Variants in HGF observed in about 807,000 individuals in gnomAD.
HGF encodes fibroblast-derived tumor cytotoxic factor.
A neutral mutation model predicts 111.6 loss-of-function variants in HGF; 39 were observed. The observed-to-expected ratio is 0.35, with a 90% CI of 0.27 to 0.46. HGF has a LOEUF of 0.46. HGF is among the 20% of genes least tolerant of loss of function. HGF has a pLI of 1.00. For synonymous variants in HGF, 285 were observed against 294.8 expected (o/e 0.97, Z 0.34); for missense variants, 735 against 910.5 (o/e 0.81, Z 2.48).
Position 81,751,893 on chromosome 7 carries a change from T to C in HGF, c.625+227A>G, listed in dbSNP as rs1481625057. Reference sequence around the variant, plus strand: ...TTCCCCAGAGGGATGTCTCAGGCAGTGTTGAAATTCAAACTGATAACTCGC... The same window carrying C: ...TTCCCCAGAGGGATGTCTCAGGCAGCGTTGAAATTCAAACTGATAACTCGC... On this transcript the variant is annotated intron_variant, in intron 5 of 17. Coordinates refer to ENST00000222390, the MANE Select transcript of HGF (RefSeq NM_000601.6). 2.2e-6 allele frequency: 3 copies of C among 1,370,520 alleles called. No individual in the cohort carries two copies. In the African/African-American group the frequency reaches 4.4e-5, roughly 20 times the overall value. The allele number at this position is 1,370,520 out of a possible 1,614,324, so 84.9% of individuals were successfully genotyped here.
chr7:81,721,402 CA>C (rs946981010), intron 9 of HGF, among the ~76,000 whole-genome samples: 7 of 151,986 alleles, frequency 4.6e-5, no homozygotes, highest in Admixed American at 3.9e-4. Context: ...AATTTAAAAA[CA>C]AAATAATTTA....
At chr7:81,749,355 C>T (rs1056485929) in intron 5 of HGF, among the ~76,000 whole-genome samples, 5 of 152,176 alleles carry the variant, frequency 3.3e-5, no homozygotes, top group East Asian at 1.9e-4. Context: ...TTCAAGCAAA[C>T]GCTAAAGCAA....
chr7:81,707,959 G>T (rs1406625676), intron 13 of HGF, among the ~76,000 whole-genome samples: 1 of 152,074 alleles, frequency 6.6e-6, no homozygotes, highest in Non-Finnish European at 1.5e-5. Context: ...AAACAATTTT[G>T]CAAGGCAAAT....
chr7:81,751,815 A>C, intron 5 of HGF: 1 of 1,196,794 alleles, frequency 8.4e-7, no homozygotes, highest in African/African-American at 1.6e-5. Flanking sequence ...ACAGTAGTAG[A>C]TTTTGAGGTA....
At chr7:81,723,819 C>T (rs1453564682) in intron 9 of HGF, among the ~76,000 whole-genome samples, 2 of 150,536 alleles carry the variant, frequency 1.3e-5, no homozygotes, top group East Asian at 1.9e-4. Flanking sequence ...GATATACACA[C>T]ATATAGATAT....
In HGF at chr7:81,743,406, C is replaced by T. The variant is rs1562892294; in HGVS notation, c.812G>A (p.Cys271Tyr). Residue 271 changes from cysteine to tyrosine, a missense_variant, in exon 7 of 18, where the codon TGC (cysteine) becomes TAC (tyrosine). Around this residue, in one of 3 missense-constraint regions of HGF, gnomAD observed 553 missense variants for 685.6 expected, o/e 0.81. Transcript: ENST00000222390. Reference protein sequence around the residue: ...RNPDGQPRPWCYTLDPHTRWE... With the variant: ...RNPDGQPRPWYYTLDPHTRWE... ...GCGGGTGTGAGGGTCAAGAGTATAG[C>T]ACCATGGCCTCGGCTGGCCATCGGG... The T allele has an allele frequency of 6.2e-7, 1 of 1,613,842 alleles. No individual in the cohort carries two copies. The highest frequency in any genetic ancestry group is 8.5e-7 in the Non-Finnish European group (1 of 1,179,786).
intron 4 of HGF, chr7:81,756,830 A>G: frequency 3.5e-6 from 1 of 287,830 alleles, no homozygotes; most frequent in Non-Finnish European, 6.7e-6. Context: ...AGCCCTCAGT[A>G]AGATTCTCAT....
intron 5 of HGF, among the ~76,000 whole-genome samples, chr7:81,747,573 A>C (rs1047159404): frequency 2.0e-5 from 3 of 152,260 alleles, no homozygotes; most frequent in African/African-American, 7.2e-5. Flanking sequence ...GTTACATTTT[A>C]GAAAGCAATG....
At chr7:81,710,783 A>G (rs530956477) in intron 12 of HGF, among the ~76,000 whole-genome samples, 1 of 138,150 alleles carries the variant, frequency 7.2e-6, no homozygotes, top group South Asian at 2.1e-4. Context: ...GTCCAAAGAC[A>G]TAATATAAAA....
intron 11 of HGF, 98 bp downstream of exon 11, chr7:81,717,134 G>T: frequency 1.7e-6 from 2 of 1,210,214 alleles, no homozygotes; most frequent in Non-Finnish European, 2.4e-6. Context: ...TCCTCATTTG[G>T]GAATAAATGC....
At chr7:81,745,159 C>G (rs777246361) in intron 5 of HGF, 39 bp from the exon 6 acceptor site, 10 of 1,609,132 alleles carry the variant, frequency 6.2e-6, no homozygotes, top group Non-Finnish European at 8.5e-6. Flanking sequence ...TTGTTTCTGA[C>G]AGCAAAATCA....
rs1800793 is a variant in HGF, at chr7:81,717,369, T to C, written c.1272-4A>G. On this transcript the variant is annotated splice_region_variant and splice_polypyrimidine_tract_variant and intron_variant, in intron 10 of 17. Coordinates refer to ENST00000222390, the MANE Select transcript of HGF (RefSeq NM_000601.6). ...ATCTGGTTCCCAGAAGATATGACTG[T>C]GGAAACAACAGGCCTTGCACATCAC... is the stretch of plus-strand genomic sequence containing the variant. The C allele has an allele frequency of 0.8, 1,283,518 of 1,611,274 alleles. 512,840 individuals are homozygous for C. The highest frequency in any genetic ancestry group is 0.88 in the East Asian group (39,432 of 44,832).
At chr7:81,742,644 C>A (rs1221789892) in intron 7 of HGF, 23 of 1,117,018 alleles carry the variant, frequency 2.1e-5, no homozygotes, top group Non-Finnish European at 2.3e-5. Flanking sequence ...GTGACTTAAC[C>A]ATAGAGGAGA....
At chr7:81,761,891 C>A (rs908697938) in intron 2 of HGF, among the ~76,000 whole-genome samples, 8 of 152,082 alleles carry the variant, frequency 5.3e-5, no homozygotes, top group African/African-American at 1.9e-4. Flanking sequence ...GGAGCGCACA[C>A]CCTAGATCCC....
chr7:81,751,430 G>A (rs972139637), intron 5 of HGF: 9 of 985,208 alleles, frequency 9.1e-6, no homozygotes, highest in Non-Finnish European at 1.1e-5. Context: ...GTTTTCCACT[G>A]CAAAAGTAAG....
At chr7:81,707,654 G>C (rs767089423) in intron 13 of HGF, among the ~76,000 whole-genome samples, 1 of 152,142 alleles carries the variant, frequency 6.6e-6, no homozygotes, top group East Asian at 1.9e-4. Flanking sequence ...ACACATATTC[G>C]TGTGTATGTG....
At position 81,705,644 on chromosome 7, in the gene HGF, T is replaced by C. The variant is rs1459744299; in HGVS notation, c.1864+3A>G. On this transcript the variant is annotated splice_donor_region_variant and intron_variant, in intron 16 of 17. Coordinates refer to ENST00000222390, the MANE Select transcript of HGF (RefSeq NM_000601.6). ...TGGCCTCATCTTTTGAAAACTAGCT[T>C]ACATCCAGTGTAGCCCCAGCCATAA... 1 of 1,604,606 alleles carries C rather than the reference T, an allele frequency of 6.2e-7. No individual in the cohort carries two copies. The highest frequency in any genetic ancestry group is 2.2e-5 in the East Asian group (1 of 44,760).
chr7:81,757,063 G>T (rs370178241), intron 4 of HGF, 126 bp downstream of exon 4: 16 of 703,372 alleles, frequency 2.3e-5, no homozygotes, highest in African/African-American at 3.5e-5. Context: ...AAACCTTGCC[G>T]TAATACAATT....
chr7:81,731,599 T>C (rs895436419), intron 7 of HGF, among the ~76,000 whole-genome samples: 4 of 152,226 alleles, frequency 2.6e-5, no homozygotes, highest in Non-Finnish European at 5.9e-5. Flanking sequence ...ATGGATTTCA[T>C]AGGTCCTAAG....
Sources: gnomAD v4.1 joint callset for allele counts (sites outside exome capture counted in the v4.1 genomes callset) on GRCh38, gnomAD v4.1.1 for gene constraint, gnomAD v4.1.1 regional missense constraint, MANE v1.5 for transcripts, NCBI Gene and HGNC (gene_info 2026-07-23, HGNC 2026-07-21) for gene names.